Variants in PLGRKT observed in about 807,000 individuals in gnomAD.
PLGRKT encodes plasminogen receptor with a C-terminal lysine, also known as plasminogen receptor (KT).
Under a neutral mutation model 18.5 loss-of-function variants are expected in PLGRKT, and 22 were observed. That is an observed-to-expected ratio of 1.19 (90% CI 0.85 to 1.70). The LOEUF (loss-of-function observed/expected upper bound fraction) is 1.70, where lower values mean the gene tolerates loss of function less well. Among genes scored for constraint, PLGRKT ranks in the 40% most tolerant of loss-of-function variants. The probability of loss-of-function intolerance (pLI) is 0.00; values close to 1 mark genes in which losing one functional copy is unlikely to be tolerated. For synonymous variants in PLGRKT, 72 were observed against 52.8 expected (o/e 1.36, Z -1.58); for missense variants, 235 against 174.4 (o/e 1.35, Z -1.96).
chr9:5,361,365 G>C (rs1817261341), intron 4 of PLGRKT, among the ~76,000 whole-genome samples, 178 bp from the exon 5 acceptor site: 1 of 152,100 alleles, frequency 6.6e-6, no homozygotes, highest in South Asian at 2.1e-4. Context: ...CCCCTAACCA[G>C]ATTCTGCAGT....
intron 3 of PLGRKT, among the ~76,000 whole-genome samples, chr9:5,424,579 CTTA>C (rs1355856990): frequency 5.7e-4 from 71 of 123,646 alleles, no homozygotes; most frequent in Middle Eastern, 4.6e-3. Context: ...ATATATATTA[CTTA>C]TTATATTATA....
chr9:5,360,634 C>G (rs769610055), intron 5 of PLGRKT, among the ~76,000 whole-genome samples: 25 of 152,158 alleles, frequency 1.6e-4, no homozygotes, highest in Admixed American at 6.6e-4. Flanking sequence ...TGAAACTGGA[C>G]TGTAGCTGTA....
intron 3 of PLGRKT, among the ~76,000 whole-genome samples, chr9:5,404,448 C>T (rs1818217909): frequency 6.6e-6 from 1 of 152,266 alleles, no homozygotes; most frequent in East Asian, 1.9e-4. Flanking sequence ...TGGCTTTATC[C>T]CCAGGATGCA....
Position 5,361,130 on chromosome 9 carries a change from G to T in PLGRKT, c.270C>A (p.Ile90=). 6.2e-7 allele frequency: 1 copy of T among 1,611,034 alleles called. No individual in the cohort carries two copies. The highest frequency in any genetic ancestry group is 8.5e-7 in the Non-Finnish European group (1 of 1,177,432). ...AGCCCAAGTCATACTGGTAGGTGAG[G>T]ATAAAGCTTAATGGAACAATCGGGA... ...FLVPIVPLSF[I]LTYQYDLGYG... The change falls in exon 5 of 6, where the codon ATC becomes ATA. Residue 90 remains isoleucine, a synonymous_variant. Coordinates refer to ENST00000223864, the MANE Select transcript of PLGRKT (RefSeq NM_018465.4).
intron 5 of PLGRKT, among the ~76,000 whole-genome samples, chr9:5,358,896 A>G (rs1563763226): frequency 6.6e-6 from 1 of 152,182 alleles, no homozygotes; most frequent in Non-Finnish European, 1.5e-5. Flanking sequence ...AGAGCTACAC[A>G]ACGCAGTAAT....
intron 3 of PLGRKT, among the ~76,000 whole-genome samples, chr9:5,396,345 G>C (rs183461662): frequency 6.6e-6 from 1 of 151,736 alleles, no homozygotes; most frequent in East Asian, 1.9e-4. Flanking sequence ...GAGTACAATG[G>C]TGTGATCTCG....
At chr9:5,374,602 C>CAAA (rs1356963131) in intron 3 of PLGRKT, among the ~76,000 whole-genome samples, 4 of 152,120 alleles carry the variant, frequency 2.6e-5, no homozygotes, top group Non-Finnish European at 5.9e-5. Context: ...AATTCTAGTT[C>CAAA]TATTATGTGA....
At chr9:5,434,885 A>C (rs370355396) in intron 2 of PLGRKT, among the ~76,000 whole-genome samples, 2,244 of 152,000 alleles carry the variant, frequency 0.015, 53 homozygotes, top group African/African-American at 0.051. Context: ...AAAAGGGGGA[A>C]ATGTGGGGAA....
rs897586178 is a variant in PLGRKT at position 5,416,418 on chromosome 9, ATAT to A, written c.81+15476_81+15478del. Among the ~76,000 whole-genome samples the A allele has an allele frequency of 4.9e-4, 74 of 152,306 alleles. 1 individual carries two copies. Among genetic ancestry groups the A allele is most frequent in the Non-Finnish European group, 6.0e-4 (41 of 68,026 alleles). On this transcript the variant is annotated intron_variant, in intron 3 of 5. Coordinates refer to ENST00000223864, the MANE Select transcript of PLGRKT (RefSeq NM_018465.4). ...GGTGACTATGTGTCTGTCTGTGTAC[ATAT>A]TATCAAAATGTATAAAGAAGGCAAA...
chr9:5,395,924 C>T (rs1818037555), intron 3 of PLGRKT, among the ~76,000 whole-genome samples: 1 of 141,534 alleles, frequency 7.1e-6, no homozygotes, highest in Non-Finnish European at 1.5e-5. Flanking sequence ...GACAGAGTCT[C>T]ACTCTGTTGC....
At chr9:5,380,130 C>T (rs537297771) in intron 3 of PLGRKT, among the ~76,000 whole-genome samples, 137 of 152,078 alleles carry the variant, frequency 9.0e-4, no homozygotes, top group Non-Finnish European at 1.9e-4. Context: ...TTTGGGAGGC[C>T]GAGGCAGGCA....
Position 5,411,173 on chromosome 9 carries a change from C to A in PLGRKT, c.81+20724G>T, listed in dbSNP as rs1040633536. ...CCGAGGCAGGTGGACCACCTGAGGT[C>A]GGGAGTTTGAGATCAGCCTGGCCAA... On this transcript the variant is annotated intron_variant, in intron 3 of 5. Coordinates refer to ENST00000223864, the MANE Select transcript of PLGRKT (RefSeq NM_018465.4). Among the ~76,000 whole-genome samples, 3 of 151,940 alleles carry A rather than the reference C, an allele frequency of 2.0e-5. No homozygotes were observed. In the South Asian group the frequency reaches 6.2e-4, roughly 32 times the overall value.
chr9:5,429,899 C>G (rs887784528), intron 3 of PLGRKT, among the ~76,000 whole-genome samples: 1 of 152,166 alleles, frequency 6.6e-6, no homozygotes, highest in African/African-American at 2.4e-5. Flanking sequence ...TCTGACATCT[C>G]CATTTTGGGG....
At chr9:5,436,974 A>G (rs998459081) in intron 1 of PLGRKT, among the ~76,000 whole-genome samples, 1 of 145,424 alleles carries the variant, frequency 6.9e-6, no homozygotes, top group Non-Finnish European at 1.6e-5. Context: ...CACCAGGGGT[A>G]AAAAAAAATG....
chr9:5,429,671 C>G (rs73397161), intron 3 of PLGRKT, among the ~76,000 whole-genome samples: 2,452 of 152,278 alleles, frequency 0.016, 65 homozygotes, highest in African/African-American at 0.055. Context: ...GGGGCCCATT[C>G]TAACGACCTC....
At chr9:5,363,838 T>C (rs146025193) in intron 3 of PLGRKT, among the ~76,000 whole-genome samples, 33 of 152,338 alleles carry the variant, frequency 2.2e-4, no homozygotes, top group African/African-American at 6.3e-4. Flanking sequence ...TTGAGTAACT[T>C]TGACTTGTCA....
chr9:5,380,535 G>T (rs1161125432), intron 3 of PLGRKT, among the ~76,000 whole-genome samples: 1 of 151,912 alleles, frequency 6.6e-6, no homozygotes, highest in Non-Finnish European at 1.5e-5. Context: ...TTTTCTCAGT[G>T]AGGGCTTCAC....
intron 3 of PLGRKT, among the ~76,000 whole-genome samples, chr9:5,417,688 T>G (rs947049646): frequency 5.3e-5 from 8 of 151,974 alleles, no homozygotes; most frequent in Non-Finnish European, 4.4e-5. Context: ...CTCGGTTTAT[T>G]GCTCCCCTAT....
At chr9:5,410,588 A>G (rs1399691818) in intron 3 of PLGRKT, among the ~76,000 whole-genome samples, 4 of 152,184 alleles carry the variant, frequency 2.6e-5, no homozygotes. Context: ...TTAAGGCAAT[A>G]AGCAGTTTAA....
Sources: gnomAD v4.1 joint callset for allele counts (sites outside exome capture counted in the v4.1 genomes callset) on GRCh38, gnomAD v4.1.1 for gene constraint, MANE v1.5 for transcripts, NCBI Gene and HGNC (gene_info 2026-07-23, HGNC 2026-07-21) for gene names.